Variants in KHDRBS2 observed in about 807,000 individuals in gnomAD.
KHDRBS2 encodes KH RNA binding domain containing, signal transduction associated 2.
Under a neutral mutation model 44.3 loss-of-function variants are expected in KHDRBS2, and 26 were observed. The ratio of observed to expected loss-of-function variants is 0.59; its 90% CI spans 0.43 to 0.81. KHDRBS2 has a LOEUF of 0.81. KHDRBS2 is among the 40% of genes least tolerant of loss of function. The pLI is 0.00. For synonymous variants in KHDRBS2, 194 were observed against 151.1 expected, an observed-to-expected ratio of 1.28 and a Z score of -2.08; for missense variants, 476 against 433.1, an observed-to-expected ratio of 1.10 and a Z score of -0.88.
intron 6 of KHDRBS2, among the ~76,000 whole-genome samples, chr6:61,891,180 CAAAT>C (rs1801768964): frequency 6.6e-6 from 1 of 152,044 alleles, no homozygotes. Context: ...TTGAATGAAA[CAAAT>C]ACCTAGATCA....
chr6:61,924,418 A>T lies in KHDRBS2; in HGVS notation c.484-23047T>A, dbSNP rs1222038108. Among the ~76,000 whole-genome samples the T allele has an allele frequency of 4.6e-5, 7 of 152,236 alleles. No homozygotes were observed. The East Asian group carries it at 1.2e-3, about 25-fold the overall frequency. On this transcript the variant is annotated intron_variant, in intron 4 of 8. Transcript: ENST00000281156. ...GTTTCACAGCTGCATACATCAAAAC[A>T]TTAAATTATCTCTTTTAAAGGCTAC...
intron 6 of KHDRBS2, among the ~76,000 whole-genome samples, chr6:61,815,180 GT>G (rs1339744653): frequency 1.3e-5 from 2 of 151,526 alleles, no homozygotes; most frequent in Non-Finnish European, 2.9e-5. Context: ...ACCTAACTAT[GT>G]TTTTTCCTTT....
chr6:61,949,486 T>A (rs1280939130), intron 4 of KHDRBS2, among the ~76,000 whole-genome samples: 2 of 152,144 alleles, frequency 1.3e-5, no homozygotes, highest in African/African-American at 4.8e-5. Context: ...TATATGGTTT[T>A]ACATATATGC....
At chr6:61,593,192 A>G in the KHDRBS2 span, among the ~76,000 whole-genome samples, 52,249 of 152,006 alleles carry the variant, frequency 0.34, 9,730 homozygotes, top group East Asian at 0.49. Context: ...TCATAAGTCA[A>G]TAGGCGTGAA....
At chr6:62,105,879 A>G (rs1803122909) in intron 2 of KHDRBS2, among the ~76,000 whole-genome samples, 2 of 152,022 alleles carry the variant, frequency 1.3e-5, no homozygotes, top group African/African-American at 4.8e-5. Flanking sequence ...TAAGGTGTCA[A>G]TTTTGGATCT....
At chr6:61,762,436 TG>T (rs1744359674) in intron 6 of KHDRBS2, among the ~76,000 whole-genome samples, 1 of 152,164 alleles carries the variant, frequency 6.6e-6, no homozygotes, top group Non-Finnish European at 1.5e-5. Context: ...GTTTGAGTCA[TG>T]GGGGCAGATT....
intron 6 of KHDRBS2, among the ~76,000 whole-genome samples, chr6:61,758,064 C>T (rs1478227435): frequency 6.6e-6 from 1 of 152,078 alleles, no homozygotes; most frequent in Non-Finnish European, 1.5e-5. Context: ...TTTTTAGCTG[C>T]CTTGGTTTCC....
At chr6:62,181,717 C>T (rs565697645) in intron 1 of KHDRBS2, among the ~76,000 whole-genome samples, 1 of 151,968 alleles carries the variant, frequency 6.6e-6, no homozygotes, top group South Asian at 2.1e-4. Flanking sequence ...TGTTCAAATC[C>T]TGACTCCAAG....
chr6:61,699,728 G>T (rs1036286814), intron 7 of KHDRBS2, among the ~76,000 whole-genome samples: 1 of 152,046 alleles, frequency 6.6e-6, no homozygotes, highest in Non-Finnish European at 1.5e-5. Context: ...GAGATAAAAA[G>T]AGGGGCAGAG....
At chr6:61,637,300 T>C in the KHDRBS2 span, among the ~76,000 whole-genome samples, 1 of 152,132 alleles carries the variant, frequency 6.6e-6, no homozygotes, top group African/African-American at 2.4e-5. Flanking sequence ...TTTTTGTTCT[T>C]GCGATAGTTT....
rs1830635831 is a variant in KHDRBS2 at position 62,220,011 on chromosome 6, T to A, written c.92-42699A>T. Among the ~76,000 whole-genome samples, 5 of 150,122 alleles carry A rather than the reference T, an allele frequency of 3.3e-5. No individual in the cohort carries two copies. In the South Asian group the frequency reaches 8.3e-4, roughly 25 times the overall value. On this transcript the variant is annotated intron_variant, in intron 1 of 8. Transcript: ENST00000281156. ...ATATATTCTGTATGTTTGAAATTTT[T>A]AAAAATAAAAAAGACAAAGAACATA... is the stretch of plus-strand genomic sequence containing the variant.
At chr6:61,992,585 G>A (rs1305977214) in intron 3 of KHDRBS2, among the ~76,000 whole-genome samples, 3 of 152,136 alleles carry the variant, frequency 2.0e-5, no homozygotes, top group African/African-American at 4.8e-5. Context: ...TTTTTCTGTA[G>A]GGGTCTGATG....
chr6:61,552,685 T>C, the KHDRBS2 span, among the ~76,000 whole-genome samples: 1 of 152,194 alleles, frequency 6.6e-6, no homozygotes, highest in Non-Finnish European at 1.5e-5. Context: ...AATGCCTAGT[T>C]TTTTGAGGAT....
chr6:61,891,923 A>G (rs2127328614), intron 6 of KHDRBS2, among the ~76,000 whole-genome samples: 1 of 152,304 alleles, frequency 6.6e-6, no homozygotes, highest in East Asian at 1.9e-4. Context: ...GGAGAAGGAA[A>G]TAAAGGGTAT....
chr6:62,021,426 T>C (rs1204230539), intron 3 of KHDRBS2, among the ~76,000 whole-genome samples: 1 of 151,780 alleles, frequency 6.6e-6, no homozygotes, highest in Non-Finnish European at 1.5e-5. Flanking sequence ...AAAATAAAAA[T>C]AAAAATGTGT....
chr6:61,837,441 A>G (rs1185411551), intron 6 of KHDRBS2, among the ~76,000 whole-genome samples: 1 of 151,880 alleles, frequency 6.6e-6, no homozygotes, highest in Non-Finnish European at 1.5e-5. Context: ...TAAAACTTCA[A>G]ATTGAAGGTA....
the KHDRBS2 span, among the ~76,000 whole-genome samples, chr6:61,672,779 TC>T: frequency 6.7e-6 from 1 of 150,020 alleles, no homozygotes; most frequent in Non-Finnish European, 1.5e-5. Flanking sequence ...GCGAAAATTT[TC>T]TCCCATTTTG....
At chr6:62,198,417 C>A (rs1198188893) in intron 1 of KHDRBS2, among the ~76,000 whole-genome samples, 1 of 152,072 alleles carries the variant, frequency 6.6e-6, no homozygotes, top group African/African-American at 2.4e-5. Flanking sequence ...ACCACCGATG[C>A]CACAGAAATG....
intron 1 of KHDRBS2, among the ~76,000 whole-genome samples, chr6:62,216,696 C>CTTTTTTTTTTTTTTTTTTT (rs562340356): frequency 1.4e-5 from 2 of 140,122 alleles, no homozygotes; most frequent in Non-Finnish European, 3.1e-5. Flanking sequence ...TCTTTCTCCT[C>CTTTTTTTTTTTTTTTTTTT]TTTTTTTTTT....
Sources: gnomAD v4.1 joint callset for allele counts (sites outside exome capture counted in the v4.1 genomes callset) on GRCh38, gnomAD v4.1.1 for gene constraint, MANE v1.5 for transcripts, NCBI Gene and HGNC (gene_info 2026-07-23, HGNC 2026-07-21) for gene names.